TLK2: variants seen among roughly 807,000 people sequenced by gnomAD.
TLK2 encodes serine/threonine-protein kinase tousled-like 2.
Under a neutral mutation model 117.3 loss-of-function variants are expected in TLK2, and 6 were observed. The ratio of observed to expected loss-of-function variants is 0.05; its 90% CI spans 0.03 to 0.10. TLK2 has a LOEUF of 0.10. TLK2 is among the 10% of genes least tolerant of loss of function. The pLI is 1.00. For synonymous variants in TLK2, 257 were observed against 316.7 expected (o/e 0.81, Z 2.00); for missense variants, 299 against 901.2 (o/e 0.33, Z 8.56).
At chr17:62,602,761 C>A (rs1475061860) in intron 19 of TLK2, among the ~76,000 whole-genome samples, 1 of 152,148 alleles carries the variant, frequency 6.6e-6, no homozygotes. Context: ...CCTGTCTTCC[C>A]CTAGCCACCC....
intron 6 of TLK2, among the ~76,000 whole-genome samples, chr17:62,530,263 G>A (rs1303781047): frequency 6.6e-6 from 1 of 151,822 alleles, no homozygotes; most frequent in Non-Finnish European, 1.5e-5. Flanking sequence ...GACAGTGCAA[G>A]ACTGTCTCAG....
At chr17:62,491,352 A>G (rs1382035755) in intron 2 of TLK2, among the ~76,000 whole-genome samples, 2 of 152,168 alleles carry the variant, frequency 1.3e-5, no homozygotes, top group Non-Finnish European at 2.9e-5. Context: ...ATTTTTAAGA[A>G]AGGCCATGAG....
chr17:62,503,921 A>G (rs2145065164), intron 2 of TLK2, among the ~76,000 whole-genome samples: 1 of 150,152 alleles, frequency 6.7e-6, no homozygotes, highest in East Asian at 2.0e-4. Flanking sequence ...TTTAGTAGAG[A>G]CGGGGTTTCT....
At chr17:62,501,040 CA>C (rs2074146693) in intron 2 of TLK2, among the ~76,000 whole-genome samples, 1 of 151,782 alleles carries the variant, frequency 6.6e-6, no homozygotes, top group South Asian at 2.1e-4. Flanking sequence ...AGATCGAGAC[CA>C]TCCTGGCTAA....
chr17:62,531,818 T>G (rs555698132), intron 6 of TLK2, among the ~76,000 whole-genome samples: 75 of 152,316 alleles, frequency 4.9e-4, no homozygotes, highest in Middle Eastern at 6.8e-3. Context: ...TCAACATTTC[T>G]CAAGACAACC....
chr17:62,525,700 T>C (rs1488313612), intron 6 of TLK2, among the ~76,000 whole-genome samples: 2 of 152,144 alleles, frequency 1.3e-5, no homozygotes, highest in African/African-American at 4.8e-5. Context: ...TCTGCCTGCC[T>C]CCACCTCCCA....
chr17:62,516,277 TTTTG>T, intron 2 of TLK2: 1 of 904,152 alleles, frequency 1.1e-6, no homozygotes, highest in South Asian at 1.5e-5. Context: ...TTTTTTTTTT[TTTTG>T]GCTGTAAATT....
intron 7 of TLK2, among the ~76,000 whole-genome samples, chr17:62,540,383 T>C (rs2077434278): frequency 7.5e-6 from 1 of 133,090 alleles, no homozygotes; most frequent in South Asian, 2.5e-4. Context: ...TGATTTTACC[T>C]TCAAAATATG....
chr17:62,489,522 G>T (rs1230348470), intron 2 of TLK2, among the ~76,000 whole-genome samples: 1 of 151,966 alleles, frequency 6.6e-6, no homozygotes, highest in Non-Finnish European at 1.5e-5. Context: ...ATGTTTTCTA[G>T]AGCTCTTTTA....
At chr17:62,491,351 A>G (rs1046533286) in intron 2 of TLK2, among the ~76,000 whole-genome samples, 2 of 152,136 alleles carry the variant, frequency 1.3e-5, no homozygotes, top group Admixed American at 6.6e-5. Context: ...TATTTTTAAG[A>G]AAGGCCATGA....
chr17:62,473,403 C>T (rs976542262), intron 1 of TLK2, among the ~76,000 whole-genome samples: 18 of 152,218 alleles, frequency 1.2e-4, no homozygotes, highest in African/African-American at 4.1e-4. Flanking sequence ...GAGACCCACA[C>T]ACCAATCACT....
At chr17:62,559,908 C>G (rs2079133201) in intron 9 of TLK2, 108 bp from the exon 10 acceptor site, 1 of 659,296 alleles carries the variant, frequency 1.5e-6, no homozygotes, top group Non-Finnish European at 2.5e-6. Context: ...TTTAATTTTG[C>G]TTTTGATAAA....
chr17:62,512,861 A>AATTATTATTATTATTATTATT, intron 2 of TLK2, among the ~76,000 whole-genome samples: 1 of 141,158 alleles, frequency 7.1e-6, no homozygotes, highest in African/African-American at 2.6e-5. Flanking sequence ...AAAATTTATT[A>AATTATTATTATTATTATTATT]ATTATTATTA....
chr17:62,598,225 A>G (rs1448616007), intron 17 of TLK2, among the ~76,000 whole-genome samples: 1 of 152,206 alleles, frequency 6.6e-6, no homozygotes, highest in African/African-American at 2.4e-5. Context: ...GCCTTGAGCA[A>G]ATTTCTTGAA....
intron 2 of TLK2, among the ~76,000 whole-genome samples, chr17:62,489,259 G>C (rs2072842244): frequency 6.6e-6 from 1 of 150,458 alleles, no homozygotes; most frequent in Admixed American, 6.6e-5. Flanking sequence ...TGAGTGCAGT[G>C]GTGCGATTTC....
At chr17:62,512,632 G>C (rs1367778118) in intron 2 of TLK2, among the ~76,000 whole-genome samples, 1 of 151,796 alleles carries the variant, frequency 6.6e-6, no homozygotes, top group Non-Finnish European at 1.5e-5. Flanking sequence ...TTTTCTTCCA[G>C]TCAGTAATTT....
chr17:62,472,163 C>T (rs1431460107), intron 1 of TLK2, among the ~76,000 whole-genome samples: 1 of 151,690 alleles, frequency 6.6e-6, no homozygotes, highest in Non-Finnish European at 1.5e-5. Context: ...GCCTCAGCCT[C>T]CCAAAGTGCT....
chr17:62,498,591 A>G (rs1598219237), intron 2 of TLK2, among the ~76,000 whole-genome samples: 1 of 151,786 alleles, frequency 6.6e-6, no homozygotes, highest in African/African-American at 2.4e-5. Context: ...GGGTTTTGCC[A>G]TTTTGCCCAG....
At chr17:62,554,367 G>C (rs1434675675) in intron 9 of TLK2, among the ~76,000 whole-genome samples, 1 of 152,128 alleles carries the variant, frequency 6.6e-6, no homozygotes, top group Non-Finnish European at 1.5e-5. Flanking sequence ...TTGAGGTCAG[G>C]AGTTTGGGAC....
Sources: allele counts gnomAD v4.1 joint callset (sites outside exome capture counted in the v4.1 genomes callset), GRCh38; gene constraint gnomAD v4.1.1; transcripts MANE v1.5; gene names NCBI Gene and HGNC (gene_info 2026-07-23, HGNC 2026-07-21).